The following ADGRD2 variants were observed in gnomAD, a reference collection of about 807,000 sequenced individuals.
ADGRD2 encodes G protein-coupled receptor PGR24.
A neutral mutation model predicts 44.4 loss-of-function variants in ADGRD2; 71 were observed. The ratio of observed to expected loss-of-function variants is 1.60; its 90% CI spans 1.32 to 1.95. ADGRD2 has a LOEUF of 1.95. ADGRD2 is among the 30% of genes most tolerant of loss of function. The pLI, the probability that ADGRD2 is intolerant of heterozygous loss-of-function variation, is 0.00. For missense variants in ADGRD2, 1,039 were observed against 512.4 expected, an observed-to-expected ratio of 2.03 and a Z score of -9.92; for synonymous variants, 481 against 224.8, an observed-to-expected ratio of 2.14 and a Z score of -10.19.
At chr9:124,468,798 C>T (rs771510536) in intron 14 of ADGRD2, 126 bp downstream of exon 17, 25 of 615,676 alleles carry the variant, frequency 4.1e-5, no homozygotes, top group Admixed American at 2.7e-4. Flanking sequence ...CGGCATTTAG[C>T]GTCACCCAGA....
exon 3 of ADGRD2, chr9:124,453,401 G>C: frequency 1.7e-6 from 1 of 595,036 alleles, no homozygotes; most frequent in Non-Finnish European, 2.9e-6. Flanking sequence ...GCTGGGGCGC[G>C]GGGGCTGGGC....
chr9:124,452,012 A>T, upstream of ADGRD2: 1 of 129,012 alleles, frequency 7.8e-6, no homozygotes, highest in Non-Finnish European at 1.6e-5. Flanking sequence ...CCTCCCACCC[A>T]CCCCCAGAGT....
At chr9:124,458,325 C>G in intron 9 of ADGRD2, 89 bp downstream of exon 12, 4 of 679,590 alleles carry the variant, frequency 5.9e-6, no homozygotes, top group Non-Finnish European at 1.1e-5. Context: ...CGCATGTGTC[C>G]TTAGCAGCCC....
At chr9:124,465,285 G>A (rs1018977412) in intron 10 of ADGRD2, 12 of 152,080 alleles carry the variant, frequency 7.9e-5, no homozygotes, top group Admixed American at 2.0e-4. Flanking sequence ...CAGACCTTCC[G>A]TCATAAGCTG....
At position 124,469,209 on chromosome 9, in the gene ADGRD2, C is replaced by T. The variant is rs1831892969; in HGVS notation, c.2388-13C>T. The T allele has an allele frequency of 1.4e-6, 1 of 707,826 alleles. No individual in the cohort carries two copies. Among genetic ancestry groups the T allele is most frequent in the Non-Finnish European group, 2.6e-6 (1 of 382,772 alleles). 43.8% of individuals were successfully genotyped at this position (707,826 alleles called of 1,614,324 possible). On this transcript the variant is annotated splice_polypyrimidine_tract_variant and intron_variant, in intron 14 of 21. Transcript: ENST00000334810. ...GGTGACCCAGCCTTGAGGCCCCCTT[C>T]TCCCTCTCCCAGGCGTGCCTGTGGG...
rs557261612 is a variant in ADGRD2, at chr9:124,469,530, G to A, written c.2622G>A (p.Gln874=). ...GCCCACAGCCCTGCCTGCAGCAGCA[G>A]ATCTGGACCCAGATATGGTGAGGCC... The change falls in exon 16 of 22, where the codon CAG becomes CAA. Residue 874 remains glutamine, a synonymous_variant. Transcript: ENST00000334810. 86 of 718,116 alleles carry A rather than the reference G, an allele frequency of 1.2e-4. No homozygotes were observed. The African/African-American group carries it at 1.3e-3, about 11-fold the overall frequency. 44.5% of individuals were successfully genotyped at this position (718,116 alleles called of 1,614,324 possible). A position where few individuals can be genotyped will look rare whatever the true frequency, so the allele number is the denominator to read the frequency against.
chr9:124,459,041 T>A (rs775748260), intron 10 of ADGRD2, among the ~76,000 whole-genome samples: 123 of 152,204 alleles, frequency 8.1e-4, no homozygotes, highest in Non-Finnish European at 1.5e-3. Flanking sequence ...TCTGCATAAC[T>A]TGAAAACCTG....
chr9:124,464,995 C>T (rs1050312850), intron 10 of ADGRD2, among the ~76,000 whole-genome samples: 3 of 152,154 alleles, frequency 2.0e-5, no homozygotes, highest in Non-Finnish European at 2.9e-5. Context: ...AGAGGAGAGG[C>T]GCAGTTGCTT....
At position 124,469,431 on chromosome 9, in the gene ADGRD2, G is replaced by A. The variant is rs1229006273; in HGVS notation, c.2522-1G>A. 1 of 718,152 alleles carries A rather than the reference G, an allele frequency of 1.4e-6. No individual in the cohort carries two copies. Among genetic ancestry groups the A allele is most frequent in the Non-Finnish European group, 2.6e-6 (1 of 385,112 alleles). 44.5% of individuals were successfully genotyped at this position (718,152 alleles called of 1,614,324 possible). Reference sequence around the variant, plus strand: ...CTTGCCCACTGACCCCAGGTCTCCAGGCCAACACCTGCATCCTGGCCCGTG... The same window carrying A: ...CTTGCCCACTGACCCCAGGTCTCCAAGCCAACACCTGCATCCTGGCCCGTG... On this transcript the variant is annotated splice_acceptor_variant, in intron 15 of 21. Transcript: ENST00000334810. LOFTEE classifies it high-confidence loss of function.
In ADGRD2 at chr9:124,452,453, TG is replaced by T. The variant is rs1160284627; in HGVS notation, c.69-55del. ...CAGTGTCCTTGGCTCCGCCCAGCCC[TG>T]GAAGAGTCAGATGCCCACAAAATGC... is the stretch of plus-strand genomic sequence containing the variant. On this transcript the variant is annotated intron_variant, in intron 1 of 21. Coordinates refer to ENST00000334810, the Ensembl canonical transcript of ADGRD2. 4 of 717,332 alleles carry T rather than the reference TG, an allele frequency of 5.6e-6. No individual in the cohort carries two copies. The South Asian group carries it at 5.9e-5, about 11-fold the overall frequency. 44.4% of individuals were successfully genotyped at this position (717,332 alleles called of 1,614,324 possible).
chr9:124,471,269 C>T (rs1035452747), intron 17 of ADGRD2, among the ~76,000 whole-genome samples: 6 of 152,118 alleles, frequency 3.9e-5, no homozygotes, highest in Non-Finnish European at 5.9e-5. Context: ...CTGGACCACC[C>T]CCCAGGCACC....
chr9:124,477,233 G>A, intron 21 of ADGRD2: 1 of 363,760 alleles, frequency 2.7e-6, no homozygotes, highest in South Asian at 2.0e-5. Flanking sequence ...CTGTGGGAGG[G>A]TGAGGACACC....
exon 3 of ADGRD2, chr9:124,453,191 C>T: frequency 1.5e-6 from 1 of 679,822 alleles, no homozygotes; most frequent in Admixed American, 2.1e-5. Context: ...TTCTCCGTTG[C>T]CGCGCCCGCG....
intron 17 of ADGRD2, among the ~76,000 whole-genome samples, chr9:124,471,580 G>A (rs1831945483): frequency 6.6e-6 from 1 of 152,198 alleles, no homozygotes; most frequent in Admixed American, 6.5e-5. Flanking sequence ...ACCTCATGAG[G>A]TCACTTGCCC....
chr9:124,453,775 C>T, intron 3 of ADGRD2, 99 bp downstream of exon 6: 2 of 634,944 alleles, frequency 3.1e-6, no homozygotes, highest in Non-Finnish European at 5.7e-6. Flanking sequence ...CCACGCCTAG[C>T]TCTGGCCACG....
intron 11 of ADGRD2, 122 bp from the exon 15 acceptor site, chr9:124,467,599 G>C: frequency 1.6e-6 from 1 of 643,578 alleles, no homozygotes. Flanking sequence ...GGTCCTGCTG[G>C]CTGCTGCTGC....
At chr9:124,452,786 G>A (rs988979861) in intron 2 of ADGRD2, 64 bp downstream of exon 5, 3 of 671,264 alleles carry the variant, frequency 4.5e-6, no homozygotes, top group Admixed American at 2.2e-5. Flanking sequence ...TCAGATATAG[G>A]AGCCCACAGT....
At chr9:124,460,657 G>A (rs150943707) in intron 10 of ADGRD2, among the ~76,000 whole-genome samples, 72 of 151,974 alleles carry the variant, frequency 4.7e-4, no homozygotes, top group African/African-American at 1.6e-3. Context: ...TCACTGCTGA[G>A]TAGTACTGAG....
chr9:124,476,406 G>A lies in ADGRD2; in HGVS notation c.2897G>A (p.Arg966Gln), dbSNP rs117236443. The A allele has an allele frequency of 3.1e-3, 2,181 of 702,086 alleles. 11 individuals are homozygous for A. Among genetic ancestry groups the A allele is most frequent in the Non-Finnish European group, 4.8e-3 (1,831 of 384,242 alleles). The allele number at this position is 702,086 out of a possible 1,614,324, so 43.5% of individuals were successfully genotyped here. A position where few individuals can be genotyped will look rare whatever the true frequency, so the allele number is the denominator to read the frequency against. Residue 966 changes from arginine (R) to glutamine (Q), a missense_variant, in exon 20 of 22, where the codon CGG becomes CAG. Arg to Gln is a conservative substitution (Grantham distance 43). Coordinates refer to ENST00000334810, the Ensembl canonical transcript of ADGRD2. ...CAGCATTCTCCTCCATTGCAAACCC[G>A]GAGAGACAGGTGAGGCTGGGACAGG...
Sources: allele counts gnomAD v4.1 joint callset (sites outside exome capture counted in the v4.1 genomes callset), GRCh38; gene constraint gnomAD v4.1.1; transcripts MANE v1.5; gene names NCBI Gene and HGNC (gene_info 2026-07-23, HGNC 2026-07-21).